Variants in TOX observed in about 807,000 individuals in gnomAD.
TOX encodes thymocyte selection associated high mobility group box.
In TOX, 11 loss-of-function variants were observed where a neutral mutation model predicts 53.7. That is an observed-to-expected ratio of 0.20 (90% CI 0.13 to 0.34). TOX has a LOEUF of 0.34. Ranked by LOEUF, TOX falls within the 10% of genes least tolerant of loss-of-function variation. The probability of loss-of-function intolerance (pLI) is 1.00; values close to 1 mark genes in which losing one functional copy is unlikely to be tolerated. For missense variants in TOX, 570 were observed against 664.6 expected (o/e 0.86, Z 1.56); for synonymous variants, 225 against 245.3 (o/e 0.92, Z 0.77).
chr8:59,059,120 G>T (rs1203278465), intron 1 of TOX, among the ~76,000 whole-genome samples: 11 of 152,338 alleles, frequency 7.2e-5, no homozygotes, highest in Admixed American at 5.9e-4. Flanking sequence ...AGAGAAGATA[G>T]AGGTATTTTA....
At chr8:59,111,051 A>G (rs1001920518) in intron 1 of TOX, among the ~76,000 whole-genome samples, 7 of 152,176 alleles carry the variant, frequency 4.6e-5, no homozygotes, top group Non-Finnish European at 8.8e-5. Context: ...TACTGGATAT[A>G]TGGAAGACTG....
intron 4 of TOX, among the ~76,000 whole-genome samples, chr8:58,848,281 G>A (rs12542489): frequency 0.3 from 45,910 of 151,636 alleles, 7,199 homozygotes; most frequent in Non-Finnish European, 0.35. Context: ...ATTATGTAAT[G>A]AGAAAAATAA....
intron 1 of TOX, among the ~76,000 whole-genome samples, chr8:59,070,680 G>A (rs895680249): frequency 1.3e-5 from 2 of 152,118 alleles, no homozygotes; most frequent in African/African-American, 4.8e-5. Context: ...AGAGCAACAA[G>A]AAAAGAATAG....
intron 3 of TOX, 84 bp downstream of exon 3, chr8:58,939,218 C>A: frequency 6.6e-7 from 1 of 1,523,484 alleles, no homozygotes; most frequent in South Asian, 1.3e-5. Flanking sequence ...GCTATTATCA[C>A]AATGCCAGGC....
chr8:59,114,817 T>C (rs562120231), intron 1 of TOX, among the ~76,000 whole-genome samples: 7 of 152,304 alleles, frequency 4.6e-5, no homozygotes, highest in Non-Finnish European at 1.0e-4. Context: ...TTGATGAGTA[T>C]TGCCACATTA....
At chr8:59,083,036 T>A (rs1279717902) in intron 1 of TOX, among the ~76,000 whole-genome samples, 1 of 152,104 alleles carries the variant, frequency 6.6e-6, no homozygotes, top group East Asian at 1.9e-4. Flanking sequence ...TGAGGGAGTG[T>A]GAGTAGGCAC....
chr8:59,078,819 C>T (rs1465779562), intron 1 of TOX, among the ~76,000 whole-genome samples: 1 of 152,144 alleles, frequency 6.6e-6, no homozygotes, highest in African/African-American at 2.4e-5. Context: ...AAGTGTATAA[C>T]TTCTTAAAGA....
intron 3 of TOX, among the ~76,000 whole-genome samples, chr8:58,915,614 GA>G (rs1240564061): frequency 7.1e-6 from 1 of 140,680 alleles, no homozygotes; most frequent in African/African-American, 2.7e-5. Context: ...AAACAGAACA[GA>G]AAAACTGGAA....
chr8:59,074,720 T>C (rs1453707441), intron 1 of TOX, among the ~76,000 whole-genome samples: 1 of 152,196 alleles, frequency 6.6e-6, no homozygotes. Flanking sequence ...CCCTTGACTC[T>C]GTGCCTCTTA....
At chr8:59,004,624 C>T (rs1813753567) in intron 1 of TOX, among the ~76,000 whole-genome samples, 1 of 152,154 alleles carries the variant, frequency 6.6e-6, no homozygotes, top group Non-Finnish European at 1.5e-5. Context: ...CCAGCTTCCA[C>T]CACTTATTAA....
At chr8:58,826,928 A>T in intron 5 of TOX, 26 bp from the exon 6 acceptor site, 1 of 1,600,144 alleles carries the variant, frequency 6.2e-7, no homozygotes, top group Non-Finnish European at 8.5e-7. Context: ...AGAGTCTTAA[A>T]TTAGAAAGTG....
intron 3 of TOX, among the ~76,000 whole-genome samples, chr8:58,935,810 T>A (rs138752415): frequency 1.3e-5 from 2 of 152,240 alleles, no homozygotes; most frequent in Non-Finnish European, 2.9e-5. Context: ...GGAAGTGTGA[T>A]GAGCAAATTT....
chr8:59,085,202 T>C (rs955110083), intron 1 of TOX, among the ~76,000 whole-genome samples: 1 of 152,186 alleles, frequency 6.6e-6, no homozygotes, highest in Non-Finnish European at 1.5e-5. Context: ...CATGTGCAGA[T>C]CAGTGAATGA....
intron 1 of TOX, among the ~76,000 whole-genome samples, chr8:58,983,333 C>T (rs1309743971): frequency 1.3e-5 from 2 of 152,188 alleles, no homozygotes; most frequent in Admixed American, 6.5e-5. Flanking sequence ...GTCAGTAGGT[C>T]AGCAAAGGGG....
chr8:58,862,279 C>T (rs776393101), intron 3 of TOX, among the ~76,000 whole-genome samples: 10 of 152,070 alleles, frequency 6.6e-5, no homozygotes, highest in Admixed American at 2.0e-4. Flanking sequence ...AAAACAATTA[C>T]AAGATTCAAA....
At chr8:58,981,280 C>A (rs1207536947) in intron 1 of TOX, among the ~76,000 whole-genome samples, 2 of 152,116 alleles carry the variant, frequency 1.3e-5, no homozygotes, top group Non-Finnish European at 2.9e-5. Context: ...ACCTTTAATC[C>A]CTCTACCTCT....
At chr8:58,915,736 A>G (rs1158848028) in intron 3 of TOX, among the ~76,000 whole-genome samples, 4 of 152,162 alleles carry the variant, frequency 2.6e-5, no homozygotes, top group Non-Finnish European at 4.4e-5. Context: ...AGAAGGCTTC[A>G]GACGATCAAA....
intron 1 of TOX, among the ~76,000 whole-genome samples, chr8:59,055,829 G>T (rs1803879280): frequency 6.6e-6 from 1 of 152,094 alleles, no homozygotes; most frequent in African/African-American, 2.4e-5. Flanking sequence ...CCTAGTACTT[G>T]CTCACTTTAT....
intron 1 of TOX, among the ~76,000 whole-genome samples, chr8:59,103,897 C>A (rs1804851054): frequency 6.6e-6 from 1 of 152,180 alleles, no homozygotes; most frequent in Non-Finnish European, 1.5e-5. Flanking sequence ...TCTAAGACTA[C>A]ACATAAAGCA....
Sources: gnomAD v4.1 joint callset for allele counts (sites outside exome capture counted in the v4.1 genomes callset) on GRCh38, gnomAD v4.1.1 for gene constraint, MANE v1.5 for transcripts, NCBI Gene and HGNC (gene_info 2026-07-23, HGNC 2026-07-21) for gene names.